The following EPHB1 variants were observed in gnomAD, a reference collection of about 807,000 sequenced individuals.
EPHB1 encodes the protein ephrin type-B receptor 1.
Under a neutral mutation model 94.4 loss-of-function variants are expected in EPHB1, and 30 were observed. That is an observed-to-expected ratio of 0.32 (90% CI 0.24 to 0.43). The LOEUF (loss-of-function observed/expected upper bound fraction) is 0.43, where lower values mean the gene tolerates loss of function less well. Among genes scored for constraint, EPHB1 ranks in the 20% least tolerant of loss-of-function variants. The pLI is 1.00. For missense variants in EPHB1, 1,055 were observed against 1,308.3 expected (o/e 0.81, Z 2.99); for synonymous variants, 522 against 489.1 (o/e 1.07, Z -0.89).
At chr3:135,128,771 A>G (rs1940307720) in intron 4 of EPHB1, among the ~76,000 whole-genome samples, 1 of 152,172 alleles carries the variant, frequency 6.6e-6, no homozygotes, top group Non-Finnish European at 1.5e-5. Flanking sequence ...AAGTGCTGAA[A>G]AGAATGCCGG....
intron 3 of EPHB1, among the ~76,000 whole-genome samples, chr3:134,997,301 C>A (rs1480773453): frequency 1.3e-5 from 2 of 152,210 alleles, no homozygotes; most frequent in Non-Finnish European, 2.9e-5. Context: ...CCTGCATTCT[C>A]TCTGACATTA....
intron 9 of EPHB1, among the ~76,000 whole-genome samples, chr3:135,177,461 C>T (rs1942014251): frequency 6.6e-6 from 1 of 152,154 alleles, no homozygotes; most frequent in South Asian, 2.1e-4. Flanking sequence ...GTACAACAGG[C>T]CAAGCAGCCC....
chr3:135,118,980 C>A (rs779789137), intron 4 of EPHB1, among the ~76,000 whole-genome samples: 1 of 152,206 alleles, frequency 6.6e-6, no homozygotes, highest in Admixed American at 6.5e-5. Context: ...TTCCCAGAGG[C>A]CTTGGCCAGT....
chr3:134,981,371 CT>C (rs914076111), intron 3 of EPHB1, among the ~76,000 whole-genome samples: 25 of 152,220 alleles, frequency 1.6e-4, no homozygotes, highest in African/African-American at 6.0e-4. Flanking sequence ...AGGCAGGTAT[CT>C]GTTCCATGTC....
At chr3:134,959,726 A>G (rs1213656422) in intron 3 of EPHB1, among the ~76,000 whole-genome samples, 2 of 152,218 alleles carry the variant, frequency 1.3e-5, no homozygotes, top group Middle Eastern at 3.4e-3. Flanking sequence ...TCTGAGGCTC[A>G]CCAGGGAAGA....
chr3:135,003,231 A>G (rs2107744151), intron 3 of EPHB1, among the ~76,000 whole-genome samples: 1 of 151,592 alleles, frequency 6.6e-6, no homozygotes, highest in East Asian at 1.9e-4. Context: ...GTAGTCATTC[A>G]GGAGCAGGTT....
intron 1 of EPHB1, among the ~76,000 whole-genome samples, chr3:134,897,453 G>A (rs76672226): frequency 4.6e-5 from 7 of 152,284 alleles, no homozygotes; most frequent in African/African-American, 7.2e-5. Flanking sequence ...TACATCACAC[G>A]CAGGCCTCTT....
intron 2 of EPHB1, among the ~76,000 whole-genome samples, chr3:134,950,088 A>C (rs1487829416): frequency 6.6e-6 from 1 of 152,234 alleles, no homozygotes; most frequent in South Asian, 2.1e-4. Flanking sequence ...GGTGAGTTGC[A>C]TGATGTCTTT....
chr3:134,832,676 C>T (rs1482204143), intron 1 of EPHB1, among the ~76,000 whole-genome samples: 1 of 152,156 alleles, frequency 6.6e-6, no homozygotes, highest in Non-Finnish European at 1.5e-5. Flanking sequence ...TTGAAAGTGA[C>T]AATAAACATA....
intron 3 of EPHB1, among the ~76,000 whole-genome samples, chr3:135,097,707 T>A (rs145589454): frequency 6.6e-6 from 1 of 152,290 alleles, no homozygotes; most frequent in East Asian, 1.9e-4. Context: ...GTGATACAAG[T>A]GTATGACACA....
At chr3:134,881,714 A>T (rs2037734347) in intron 1 of EPHB1, among the ~76,000 whole-genome samples, 1 of 152,240 alleles carries the variant, frequency 6.6e-6, no homozygotes, top group African/African-American at 2.4e-5. Flanking sequence ...TAAATAAATG[A>T]ATAATTGAAA....
chr3:134,852,058 A>G (rs929565092), intron 1 of EPHB1, among the ~76,000 whole-genome samples: 10 of 152,168 alleles, frequency 6.6e-5, no homozygotes, highest in Non-Finnish European at 1.2e-4. Flanking sequence ...TATGTGCCCC[A>G]TGTCCCTCCT....
intron 3 of EPHB1, among the ~76,000 whole-genome samples, chr3:135,099,093 TATC>T (rs1938927929): frequency 8.5e-6 from 1 of 117,424 alleles, no homozygotes; most frequent in South Asian, 3.0e-4. Context: ...CTAATATTAA[TATC>T]ATATTTGTTG....
At chr3:135,206,128 G>A (rs2036367) in intron 12 of EPHB1, among the ~76,000 whole-genome samples, 92,255 of 152,020 alleles carry the variant, frequency 0.61, 28,100 homozygotes, top group East Asian at 0.71. Flanking sequence ...CATACAGCAT[G>A]TGCTTTTTTG....
At chr3:134,844,273 T>C (rs1170309365) in intron 1 of EPHB1, among the ~76,000 whole-genome samples, 2 of 152,246 alleles carry the variant, frequency 1.3e-5, no homozygotes, top group Non-Finnish European at 2.9e-5. Flanking sequence ...TTGCATTCTC[T>C]GCCATTGGAT....
At chr3:135,083,036 C>T (rs1385410588) in intron 3 of EPHB1, among the ~76,000 whole-genome samples, 1 of 152,128 alleles carries the variant, frequency 6.6e-6, no homozygotes, top group Admixed American at 6.5e-5. Context: ...GGCAGCCAGG[C>T]AGAGGAAGCC....
chr3:134,964,240 A>G (rs1191678894), intron 3 of EPHB1, among the ~76,000 whole-genome samples: 1 of 152,250 alleles, frequency 6.6e-6, no homozygotes, highest in Admixed American at 6.5e-5. Flanking sequence ...AATCGGGCAC[A>G]AGGCATGCAC....
At chr3:135,092,348 A>G (rs1306031054) in intron 3 of EPHB1, among the ~76,000 whole-genome samples, 1 of 152,124 alleles carries the variant, frequency 6.6e-6, no homozygotes, top group East Asian at 1.9e-4. Flanking sequence ...CCCGTGAAGC[A>G]TCTCCCTGTT....
intron 3 of EPHB1, among the ~76,000 whole-genome samples, chr3:135,097,767 G>T (rs1384868800): frequency 1.3e-5 from 2 of 152,302 alleles, no homozygotes; most frequent in East Asian, 3.9e-4. Flanking sequence ...CAGGCCCAGG[G>T]AGGCAAGAAC....
Sources: allele counts gnomAD v4.1 joint callset (sites outside exome capture counted in the v4.1 genomes callset), GRCh38; gene constraint gnomAD v4.1.1; transcripts MANE v1.5; gene names NCBI Gene and HGNC (gene_info 2026-07-23, HGNC 2026-07-21).